The following DHRSX variants were observed in gnomAD, a reference collection of about 807,000 sequenced individuals.
The protein encoded by DHRSX is polyprenol dehydrogenase.
A neutral mutation model predicts 34.0 loss-of-function variants in DHRSX; 31 were observed. That is an observed-to-expected ratio of 0.91 (90% CI 0.69 to 1.23). The LOEUF (loss-of-function observed/expected upper bound fraction) is 1.23. DHRSX is among the 50% of genes most tolerant of loss of function. The pLI, the probability that DHRSX is intolerant of heterozygous loss-of-function variation, is 0.00. For missense variants in DHRSX, 414 were observed against 428.1 expected (o/e 0.97, Z 0.29); for synonymous variants, 201 against 183.8 (o/e 1.09, Z -0.76).
At chrX:2,380,232 C>T (rs1452370389) in intron 3 of DHRSX, among the ~76,000 whole-genome samples, 5 of 124,974 alleles carry the variant, frequency 4.0e-5, no homozygotes, top group African/African-American at 8.8e-5. Flanking sequence ...ACCCAGGAGG[C>T]GGAGGTTGCA....
At chrX:2,308,672 T>G (rs1602915433) in intron 3 of DHRSX, among the ~76,000 whole-genome samples, 2 of 151,114 alleles carry the variant, frequency 1.3e-5, no homozygotes, top group East Asian at 3.9e-4. Flanking sequence ...TTCTTCAGAA[T>G]AACACAATAT....
At position 2,229,942 on chromosome X, in the gene DHRSX, T is replaced by C. The variant is rs184971332; in HGVS notation, c.805-8713A>G. Among the ~76,000 whole-genome samples the C allele has an allele frequency of 5.2e-3, 799 of 152,292 alleles. 4 individuals carry two copies. The highest frequency in any genetic ancestry group is 0.019 in the African/African-American group (774 of 41,558). ...GCATGTGCATGAATGCACATGTGAA[T>C]ATGTGCATGTGTCGATAGGAATATA... On this transcript the variant is annotated intron_variant, in intron 6 of 6. Coordinates refer to ENST00000334651, the MANE Select transcript of DHRSX (RefSeq NM_145177.3).
At chrX:2,266,590 G>T in intron 5 of DHRSX, 150 bp downstream of exon 5, 1 of 773,982 alleles carries the variant, frequency 1.3e-6, no homozygotes, top group Non-Finnish European at 2.2e-6. Context: ...TGTCCCCAAA[G>T]CACCAGTGCT....
Position 2,489,147 on chromosome X carries a change from C to T in DHRSX, c.109+11670G>A, listed in dbSNP as rs753439016. 4.3e-6 allele frequency: 7 copies of T among 1,613,470 alleles called. No individual in the cohort carries two copies. The East Asian group carries it at 1.1e-4, about 26-fold the overall frequency. On this transcript the variant is annotated intron_variant, in intron 1 of 6. Coordinates refer to ENST00000334651, the MANE Select transcript of DHRSX (RefSeq NM_145177.3). ...ATGAGCTTCTTGACGGGAGGCTCCTCGGGCACCGGGAAGATCTTGTCCTCA... is the reference window on the plus strand; with the variant it reads ...ATGAGCTTCTTGACGGGAGGCTCCTTGGGCACCGGGAAGATCTTGTCCTCA...
At chrX:2,425,841 G>A (rs927987223) in intron 1 of DHRSX, among the ~76,000 whole-genome samples, 54 of 152,166 alleles carry the variant, frequency 3.5e-4, no homozygotes, top group East Asian at 9.6e-4. Flanking sequence ...AGTTTGGTCA[G>A]GTGGGAAGAC....
intron 3 of DHRSX, among the ~76,000 whole-genome samples, chrX:2,339,482 C>T (rs1261164454): frequency 3.3e-5 from 5 of 151,916 alleles, no homozygotes; most frequent in Non-Finnish European, 7.4e-5. Flanking sequence ...TTTGGTGCAC[C>T]CATTACCCAA....
chrX:2,496,814 T>A (rs922165149), intron 1 of DHRSX, among the ~76,000 whole-genome samples: 1 of 149,876 alleles, frequency 6.7e-6, no homozygotes, highest in African/African-American at 2.4e-5. Flanking sequence ...TTTATTTACA[T>A]CTAAATTATA....
intron 1 of DHRSX, among the ~76,000 whole-genome samples, chrX:2,464,712 G>T (rs1003843256): frequency 1.1e-4 from 16 of 151,080 alleles, no homozygotes; most frequent in Non-Finnish European, 2.1e-4. Flanking sequence ...CACTGAAGAC[G>T]TTCCCTAGGC....
chrX:2,321,137 T>A (rs1181765580), intron 3 of DHRSX, among the ~76,000 whole-genome samples: 1 of 152,104 alleles, frequency 6.6e-6, no homozygotes, highest in Non-Finnish European at 1.5e-5. Flanking sequence ...CCTAAGTATA[T>A]CTTCATGCCG....
intron 1 of DHRSX, among the ~76,000 whole-genome samples, chrX:2,428,030 T>A (rs1437099568): frequency 6.6e-6 from 1 of 152,126 alleles, no homozygotes; most frequent in African/African-American, 2.4e-5. Context: ...CCACATGTTA[T>A]CCCTTATAAG....
chrX:2,389,786 T>G (rs889184804), intron 3 of DHRSX, among the ~76,000 whole-genome samples: 2 of 152,204 alleles, frequency 1.3e-5, no homozygotes, highest in Non-Finnish European at 2.9e-5. Flanking sequence ...ATTTTATTTT[T>G]TTTTTATTGT....
intron 6 of DHRSX, among the ~76,000 whole-genome samples, chrX:2,223,078 C>T (rs1192824978): frequency 6.6e-6 from 1 of 152,106 alleles, no homozygotes; most frequent in Non-Finnish European, 1.5e-5. Context: ...TCTTGCAAAC[C>T]CAAAGTGTCC....
intron 3 of DHRSX, among the ~76,000 whole-genome samples, chrX:2,330,082 G>A (rs867743500): frequency 0.64 from 35,943 of 56,520 alleles, 10,582 homozygotes; most frequent in Non-Finnish European, 0.73. Flanking sequence ...GCGGGGGGGG[G>A]GGGGGGGGGG....
chrX:2,463,940 G>A (rs2044440028), intron 1 of DHRSX, among the ~76,000 whole-genome samples: 1 of 152,182 alleles, frequency 6.6e-6, no homozygotes, highest in South Asian at 2.1e-4. Context: ...TGTATGCACT[G>A]AAGACGTTCG....
intron 1 of DHRSX, among the ~76,000 whole-genome samples, chrX:2,427,937 G>C (rs2043869814): frequency 6.6e-6 from 1 of 152,166 alleles, no homozygotes. Context: ...GAAAAGGAAT[G>C]ATGTTGTGTC....
In DHRSX at chrX:2,337,056, G is replaced by A. The variant is rs184966272; in HGVS notation, c.287-45453C>T. ...CCTGACATCATGATCCACCCACCTCGGCCTCCCAAAGTGCTGGGATTACAG... is the reference window on the plus strand; with the variant it reads ...CCTGACATCATGATCCACCCACCTCAGCCTCCCAAAGTGCTGGGATTACAG... On this transcript the variant is annotated intron_variant, in intron 3 of 6. Coordinates refer to ENST00000334651, the MANE Select transcript of DHRSX (RefSeq NM_145177.3). Among the ~76,000 whole-genome samples, 289 of 151,924 alleles carry A rather than the reference G, an allele frequency of 1.9e-3. 2 individuals are homozygous for A. The highest frequency in any genetic ancestry group is 6.7e-3 in the African/African-American group (276 of 41,466).
chrX:2,369,723 C>T (rs183527178), intron 3 of DHRSX, among the ~76,000 whole-genome samples: 263 of 152,160 alleles, frequency 1.7e-3, no homozygotes, highest in African/African-American at 6.0e-3. Flanking sequence ...AGGCTGGTCT[C>T]GAACACCTGA....
chrX:2,370,742 T>G (rs979266034), intron 3 of DHRSX, among the ~76,000 whole-genome samples: 1 of 152,116 alleles, frequency 6.6e-6, no homozygotes, highest in Non-Finnish European at 1.5e-5. Flanking sequence ...CTGAACAAAA[T>G]TCCCATCTAA....
At chrX:2,421,198 G>A (rs1271562505) in intron 2 of DHRSX, among the ~76,000 whole-genome samples, 3 of 152,118 alleles carry the variant, frequency 2.0e-5, no homozygotes, top group African/African-American at 4.8e-5. Flanking sequence ...AAGCAACATG[G>A]TGAGGCCCCA....
Sources: gnomAD v4.1 joint callset for allele counts (sites outside exome capture counted in the v4.1 genomes callset) on GRCh38, gnomAD v4.1.1 for gene constraint, MANE v1.5 for transcripts, NCBI Gene and HGNC (gene_info 2026-07-23, HGNC 2026-07-21) for gene names.